The following TTL variants were observed in gnomAD, a reference collection of about 807,000 sequenced individuals.
TTL encodes the protein tubulin--tyrosine ligase.
A neutral mutation model predicts 41.1 loss-of-function variants in TTL; 10 were observed. The observed-to-expected ratio is 0.24, with a 90% CI of 0.15 to 0.41. The LOEUF (loss-of-function observed/expected upper bound fraction) is 0.41. Ranked by LOEUF, TTL falls within the 10% of genes least tolerant of loss-of-function variation. TTL has a pLI of 1.00. For synonymous variants in TTL, 175 were observed against 175.5 expected, an observed-to-expected ratio of 1.00 and a Z score of 0.02; for missense variants, 367 against 460.4, an observed-to-expected ratio of 0.80 and a Z score of 1.86.
In TTL at chr2:112,540,736, G is replaced by A. The variant is rs1682707855; in HGVS notation, c.*11941G>A. On this transcript the variant is annotated 3_prime_UTR_variant, in exon 7 of 7. Transcript: ENST00000233336. The stretch of plus-strand genomic sequence containing the variant: ...GGCCAAGACAATTTGATGAGGGAAA[G>A]AATAGTCTTTTTAACAAATGGTGTT... 6.6e-6 allele frequency: 1 copy of A among 152,062 alleles called. No homozygotes were observed. Among genetic ancestry groups the A allele is most frequent in the South Asian group, 2.1e-4 (1 of 4,836 alleles). 9.4% of individuals were successfully genotyped at this position (152,062 alleles called of 1,614,324 possible).
At position 112,532,765 on chromosome 2, in the gene TTL, C is replaced by CTCTTAAAAAATAAAAAACTAT. The variant is rs145085628; in HGVS notation, c.*3975_*3976insAAAAATAAAAAACTATTCTTA. 162,038 of 166,460 alleles carry CTCTTAAAAAATAAAAAACTAT rather than the reference C, an allele frequency of 0.97. 78,980 individuals are homozygous for CTCTTAAAAAATAAAAAACTAT. Among genetic ancestry groups the CTCTTAAAAAATAAAAAACTAT allele is most frequent in the East Asian group, 1 (8,128 of 8,130 alleles). 10.3% of individuals were successfully genotyped at this position (166,460 alleles called of 1,614,324 possible). A position where few individuals can be genotyped will look rare whatever the true frequency, so the allele number is the denominator to read the frequency against. ...GCATACTTTTTGTTTTTTTCTCCAA[C>CTCTTAAAAAATAAAAAACTAT]TCTTAGCTCATAGGCCGTATAAAAG... On this transcript the variant is annotated 3_prime_UTR_variant, in exon 7 of 7. Coordinates refer to ENST00000233336, the MANE Select transcript of TTL (RefSeq NM_153712.5).
chr2:112,518,602 A>C (rs1682136036), intron 5 of TTL, among the ~76,000 whole-genome samples: 1 of 152,102 alleles, frequency 6.6e-6, no homozygotes, highest in African/African-American at 2.4e-5. Context: ...GTCATGAGTC[A>C]AAACCTGCAT....
intron 2 of TTL, among the ~76,000 whole-genome samples, chr2:112,486,900 T>A (rs941306683): frequency 6.6e-6 from 1 of 152,228 alleles, no homozygotes; most frequent in Non-Finnish European, 1.5e-5. Flanking sequence ...CTAAGGTTGT[T>A]ATGAGGATTA....
chr2:112,527,904 G>T (rs192992524), intron 6 of TTL, among the ~76,000 whole-genome samples: 1 of 152,172 alleles, frequency 6.6e-6, no homozygotes, highest in Admixed American at 6.5e-5. Context: ...TTTCTTCCTA[G>T]CATCTATGGT....
Position 112,531,884 on chromosome 2 carries a change from G to A in TTL, c.*3089G>A, listed in dbSNP as rs567272350. The A allele has an allele frequency of 3.2e-4, 72 of 221,922 alleles. 2 individuals are homozygous for A. Among genetic ancestry groups the A allele is most frequent in the Non-Finnish European group, 4.5e-5 (5 of 111,010 alleles). 13.7% of individuals were successfully genotyped at this position (221,922 alleles called of 1,614,324 possible). On this transcript the variant is annotated 3_prime_UTR_variant, in exon 7 of 7. Transcript: ENST00000233336. ...TTTGACAACAAATGTAAACAGACAC[G>A]AAATTATAAATCTGCTAAATATGTA...
intron 5 of TTL, among the ~76,000 whole-genome samples, chr2:112,517,133 T>C (rs1345599881): frequency 2.1e-5 from 3 of 145,660 alleles, no homozygotes; most frequent in African/African-American, 7.7e-5. Context: ...CTTTAAAGTG[T>C]ATTATTAATC....
In TTL at chr2:112,538,378, A is replaced by G. The variant is rs1430006321; in HGVS notation, c.*9583A>G. 1.3e-5 allele frequency: 2 copies of G among 152,246 alleles called. No individual in the cohort carries two copies. The highest frequency in any genetic ancestry group is 1.9e-4 in the East Asian group (1 of 5,208). 9.4% of individuals were successfully genotyped at this position (152,246 alleles called of 1,614,324 possible). On this transcript the variant is annotated 3_prime_UTR_variant, in exon 7 of 7. Transcript: ENST00000233336. ...ACAAACGGAAAAAATCTTCAACAAA[A>G]TACTAGTAAACCAAATCCAGCAACA...
intron 6 of TTL, among the ~76,000 whole-genome samples, chr2:112,523,337 G>GGTGT (rs1298723408): frequency 3.2e-5 from 3 of 93,350 alleles, no homozygotes; most frequent in African/African-American, 8.6e-5. Flanking sequence ...ACTGTCTGTG[G>GGTGT]GTGTGTGTGT....
At chr2:112,492,965 A>G (rs1158501618) in intron 2 of TTL, among the ~76,000 whole-genome samples, 1 of 152,188 alleles carries the variant, frequency 6.6e-6, no homozygotes, top group South Asian at 2.1e-4. Context: ...CTACATTTCA[A>G]ATGCTCAGTA....
intron 3 of TTL, among the ~76,000 whole-genome samples, chr2:112,495,514 A>T (rs1681501451): frequency 6.6e-6 from 1 of 152,184 alleles, no homozygotes; most frequent in Non-Finnish European, 1.5e-5. Flanking sequence ...GAACACATAA[A>T]CAATCTCTGT....
intron 2 of TTL, among the ~76,000 whole-genome samples, chr2:112,488,171 C>T (rs1177311210): frequency 6.6e-6 from 1 of 152,184 alleles, no homozygotes; most frequent in South Asian, 2.1e-4. Context: ...TCTTAGAACC[C>T]TGAGGGGCTT....
chr2:112,500,038 G>A (rs1260301147), intron 3 of TTL, among the ~76,000 whole-genome samples: 6 of 152,162 alleles, frequency 3.9e-5, no homozygotes, highest in Non-Finnish European at 8.8e-5. Flanking sequence ...AGAAAGGAGT[G>A]AACATGATAC....
intron 3 of TTL, among the ~76,000 whole-genome samples, chr2:112,499,202 C>T (rs1445308489): frequency 2.0e-5 from 3 of 152,012 alleles, no homozygotes; most frequent in African/African-American, 7.3e-5. Flanking sequence ...GTACTTTCAG[C>T]TACTCGGGAG....
chr2:112,503,942 T>A (rs2104460700), intron 5 of TTL, among the ~76,000 whole-genome samples: 1 of 85,912 alleles, frequency 1.2e-5, no homozygotes, highest in African/African-American at 4.5e-5. Flanking sequence ...TAGGTATATC[T>A]CCCAATGCTA....
chr2:112,541,051 C>G lies in TTL; in HGVS notation c.*12256C>G, dbSNP rs1682717619. On this transcript the variant is annotated 3_prime_UTR_variant, in exon 7 of 7. Transcript: ENST00000233336. Reference sequence around the variant, plus strand: ...ATGAATGCTTGAGGTGATGGAAACCCCATCTACCCTCCTGTGATGATTACA... The same window carrying G: ...ATGAATGCTTGAGGTGATGGAAACCGCATCTACCCTCCTGTGATGATTACA... 1 of 152,060 alleles carries G rather than the reference C, an allele frequency of 6.6e-6. No homozygotes were observed. The highest frequency in any genetic ancestry group is 2.1e-4 in the South Asian group (1 of 4,822). 9.4% of individuals were successfully genotyped at this position (152,060 alleles called of 1,614,324 possible).
chr2:112,497,950 C>T (rs993052896), intron 3 of TTL, among the ~76,000 whole-genome samples: 75 of 152,268 alleles, frequency 4.9e-4, no homozygotes, highest in Admixed American at 5.9e-4. Context: ...AGCCATGTTA[C>T]GGGATATGAG....
intron 3 of TTL, among the ~76,000 whole-genome samples, chr2:112,496,711 T>G (rs868507858): frequency 3.6e-4 from 28 of 78,258 alleles, no homozygotes; most frequent in Middle Eastern, 5.0e-3. Context: ...GTGTGTGTAT[T>G]TTTTTTTTTT....
Position 112,491,040 on chromosome 2 carries a change from G to A in TTL, c.237-3103G>A, listed in dbSNP as rs769333787. Among the ~76,000 whole-genome samples, 41 of 152,122 alleles carry A rather than the reference G, an allele frequency of 2.7e-4. 1 individual carries two copies. Among genetic ancestry groups the A allele is most frequent in the Non-Finnish European group, 4.6e-4 (31 of 68,004 alleles). ...GGAGTCTCACTCTGTCACCCAGGTT[G>A]GAGTACAGTGGCACGATCTCAGCTC... On this transcript the variant is annotated intron_variant, in intron 2 of 6. Transcript: ENST00000233336.
In TTL at chr2:112,524,006, C is replaced by T. The variant is rs1215206523; in HGVS notation, c.1019+3581C>T. ...TCCCCATCCTACGTCCAAGTGGTCTCATTGTTCAGTTCCCACCTATGAGTG... is the reference window on the plus strand; with the variant it reads ...TCCCCATCCTACGTCCAAGTGGTCTTATTGTTCAGTTCCCACCTATGAGTG... On this transcript the variant is annotated intron_variant, in intron 6 of 6. Transcript: ENST00000233336. 2.0e-5 allele frequency among the ~76,000 whole-genome samples: 3 copies of T among 152,230 alleles called. No individual in the cohort carries two copies. In the East Asian group the frequency reaches 5.8e-4, roughly 29 times the overall value.
Sources: gnomAD v4.1 joint callset for allele counts (sites outside exome capture counted in the v4.1 genomes callset) on GRCh38, gnomAD v4.1.1 for gene constraint, MANE v1.5 for transcripts, NCBI Gene and HGNC (gene_info 2026-07-23, HGNC 2026-07-21) for gene names.